Variants in RGS22 observed in about 807,000 individuals in gnomAD.
RGS22 encodes the protein regulator of G-protein signaling 22.
Under a neutral mutation model 172.9 loss-of-function variants are expected in RGS22, and 148 were observed. That is an observed-to-expected ratio of 0.86 (90% CI 0.75 to 0.98). The LOEUF (loss-of-function observed/expected upper bound fraction) is 0.98. Ranked by LOEUF, RGS22 falls within the 50% of genes least tolerant of loss-of-function variation. The pLI, the probability that RGS22 is intolerant of heterozygous loss-of-function variation, is 0.00. For missense variants in RGS22, 1,347 were observed against 1,440.8 expected (o/e 0.93, Z 1.05); for synonymous variants, 458 against 480.2 (o/e 0.95, Z 0.60).
chr8:100,046,432 A>G (rs752292789), intron 11 of RGS22: 6 of 151,690 alleles, frequency 4.0e-5, no homozygotes, highest in Non-Finnish European at 8.8e-5. Flanking sequence ...AAATGATGAT[A>G]ATGCTTTCTT....
intron 18 of RGS22, among the ~76,000 whole-genome samples, chr8:100,001,144 C>T (rs1003938415): frequency 6.8e-6 from 1 of 146,930 alleles, no homozygotes; most frequent in African/African-American, 2.5e-5. Context: ...ATAAAAATTG[C>T]ATCATATTTC....
chr8:100,012,025 G>C (rs1816438508), intron 14 of RGS22, among the ~76,000 whole-genome samples: 2 of 152,026 alleles, frequency 1.3e-5, no homozygotes, highest in Admixed American at 1.3e-4. Context: ...CCAAGTCAGA[G>C]TAATGCTACA....
chr8:100,032,584 C>T (rs1818948772), intron 14 of RGS22, among the ~76,000 whole-genome samples: 1 of 152,112 alleles, frequency 6.6e-6, no homozygotes, highest in Non-Finnish European at 1.5e-5. Flanking sequence ...TTTAACACCC[C>T]ACTGTCAATA....
Position 100,040,766 on chromosome 8 carries a change from T to C in RGS22, c.1939-679A>G, listed in dbSNP as rs1305919417. The stretch of plus-strand genomic sequence containing the variant: ...CAGTTTAACTCTTTGCTATATGTTT[T>C]ATAGAACTCATAGACTACTTCTTTA... On this transcript the variant is annotated intron_variant, in intron 12 of 27. Coordinates refer to ENST00000360863, the MANE Select transcript of RGS22 (RefSeq NM_015668.5). Among the ~76,000 whole-genome samples, 3 of 152,192 alleles carry C rather than the reference T, an allele frequency of 2.0e-5. No individual in the cohort carries two copies. In the East Asian group the frequency reaches 5.8e-4, roughly 29 times the overall value.
intron 22 of RGS22, among the ~76,000 whole-genome samples, chr8:99,980,670 C>G (rs908409314): frequency 2.0e-5 from 3 of 152,118 alleles, no homozygotes; most frequent in Non-Finnish European, 4.4e-5. Flanking sequence ...CTAGGACTCC[C>G]TTTTAGAAAA....
At chr8:100,105,600 A>T (rs1184763445) in intron 1 of RGS22, 198 bp from the exon 2 acceptor site, 2 of 609,666 alleles carry the variant, frequency 3.3e-6, no homozygotes, top group Non-Finnish European at 5.8e-6. Flanking sequence ...AGGCCTCTGG[A>T]ATCCTGCCTG....
chr8:100,075,430 C>G (rs1025814369), intron 4 of RGS22, among the ~76,000 whole-genome samples: 2 of 152,170 alleles, frequency 1.3e-5, no homozygotes, highest in East Asian at 3.8e-4. Flanking sequence ...TCCTGAGGCC[C>G]TCACCAGAAG....
At chr8:100,062,266 T>C (rs545079137) in intron 9 of RGS22, among the ~76,000 whole-genome samples, 1 of 152,154 alleles carries the variant, frequency 6.6e-6, no homozygotes, top group South Asian at 2.1e-4. Context: ...AGTTTACCTA[T>C]GTAACAAACC....
chr8:100,070,503 G>A lies in RGS22; in HGVS notation c.594+866C>T, dbSNP rs1011543943. Among the ~76,000 whole-genome samples, 29 of 152,138 alleles carry A rather than the reference G, an allele frequency of 1.9e-4. 1 individual carries two copies. Among genetic ancestry groups the A allele is most frequent in the African/African-American group, 6.3e-4 (26 of 41,504 alleles). ...AGAACTCTACTTTCAGTTTTTTCTC[G>A]GACAGTTAATTTCAGCTTCATAGAG... On this transcript the variant is annotated intron_variant, in intron 6 of 27. Coordinates refer to ENST00000360863, the MANE Select transcript of RGS22 (RefSeq NM_015668.5).
chr8:99,969,761 T>TAA (rs746733904), intron 23 of RGS22, among the ~76,000 whole-genome samples: 8 of 152,182 alleles, frequency 5.3e-5, no homozygotes, highest in Non-Finnish European at 4.4e-5. Flanking sequence ...CAAAGAGACT[T>TAA]AGACTCCCAT....
intron 4 of RGS22, among the ~76,000 whole-genome samples, chr8:100,078,202 C>A (rs192525621): frequency 6.6e-6 from 1 of 151,918 alleles, no homozygotes; most frequent in East Asian, 1.9e-4. Flanking sequence ...GGGGTGCTTA[C>A]GCCATTTAAA....
intron 3 of RGS22, among the ~76,000 whole-genome samples, chr8:100,083,818 G>A (rs1217083046): frequency 4.1e-5 from 6 of 147,592 alleles, no homozygotes; most frequent in African/African-American, 1.3e-4. Context: ...AACTGACCGC[G>A]TAATTTCTTT....
At chr8:99,971,822 G>T (rs777755681) in intron 23 of RGS22, among the ~76,000 whole-genome samples, 1 of 151,984 alleles carries the variant, frequency 6.6e-6, no homozygotes, top group Non-Finnish European at 1.5e-5. Flanking sequence ...TGGCCATACT[G>T]CCCAAAGTAA....
In RGS22 at chr8:99,984,562, G is replaced by C. The variant is rs139497793; in HGVS notation, c.3181-2446C>G. ...TTTCTGTGACTCTCAGTCCAGGAGA[G>C]ATGTCCATCTCAGGTACTCCCATAG... On this transcript the variant is annotated intron_variant, in intron 21 of 27. Transcript: ENST00000360863. Among the ~76,000 whole-genome samples, 1,117 of 152,172 alleles carry C rather than the reference G, an allele frequency of 7.3e-3. 19 individuals are homozygous for C. Among genetic ancestry groups the C allele is most frequent in the African/African-American group, 0.026 (1,083 of 41,500 alleles).
At chr8:99,969,413 C>G (rs1241609155) in intron 23 of RGS22, among the ~76,000 whole-genome samples, 3 of 152,150 alleles carry the variant, frequency 2.0e-5, no homozygotes, top group African/African-American at 7.2e-5. Flanking sequence ...TGTAAATAGG[C>G]TAAATGCCCC....
In RGS22 at chr8:100,063,834, A is replaced by G. The variant is rs368345586; in HGVS notation, c.934T>C (p.Cys312Arg). ...DESLTMHFST[C>R]EEFLSSYIYF... Reference sequence around the variant, plus strand: ...ATATAGGAGCTTAAAAATTCTTCACATGTTGAGAAATGCATTGTCAGGCTT... The same window carrying G: ...ATATAGGAGCTTAAAAATTCTTCACGTGTTGAGAAATGCATTGTCAGGCTT... Residue 312 changes from cysteine (C) to arginine (R), a missense_variant, in exon 8 of 28, where the codon TGT (cysteine) becomes CGT (arginine). Transcript: ENST00000360863. The G allele has an allele frequency of 3.7e-6, 6 of 1,610,042 alleles. No individual in the cohort carries two copies. In the African/African-American group the frequency reaches 8.0e-5, roughly 22 times the overall value.
In RGS22 at chr8:100,002,295, C is replaced by T; in HGVS notation, c.2697G>A (p.Arg899=). The T allele has an allele frequency of 6.2e-7, 1 of 1,612,026 alleles. No individual in the cohort carries two copies. The highest frequency in any genetic ancestry group is 8.5e-7 in the Non-Finnish European group (1 of 1,179,296). ...RRITYRDRNQ[R]KAKSIYIKNK... ...TTTTAATGTATATAGATTTTGCCTT[C>T]CTTTGATTTCGATCTCTGTAAGTTA... Residue 899 remains arginine (R), a synonymous_variant, in exon 18 of 28, where the codon AGG becomes AGA. Transcript: ENST00000360863.
At position 100,047,585 on chromosome 8, in the gene RGS22, G is replaced by C; in HGVS notation, c.1701C>G (p.Phe567Leu). The change falls in exon 11 of 28, where the codon TTC (phenylalanine) becomes TTG (leucine). Residue 567 changes from phenylalanine to leucine, a missense_variant. Physicochemically the swap from Phe to Leu is conservative, Grantham distance 22 (BLOSUM62 0). Coordinates refer to ENST00000360863, the MANE Select transcript of RGS22 (RefSeq NM_015668.5). ...GAGATTTAGGAGGTTGTGATAAGCTGAATTCTTCTTTCTAAAAGATGGTAA... is the reference window on the plus strand; with the variant it reads ...GAGATTTAGGAGGTTGTGATAAGCTCAATTCTTCTTTCTAAAAGATGGTAA... Reference protein sequence around the residue: ...PQIPEIQKEEFSLSQPPKSPN... With the variant: ...PQIPEIQKEELSLSQPPKSPN... 6.2e-7 allele frequency: 1 copy of C among 1,607,524 alleles called. No individual in the cohort carries two copies. The highest frequency in any genetic ancestry group is 8.5e-7 in the Non-Finnish European group (1 of 1,177,980).
chr8:99,988,041 GTAGT>G (rs945545151), intron 20 of RGS22, among the ~76,000 whole-genome samples: 61 of 151,024 alleles, frequency 4.0e-4, no homozygotes, highest in African/African-American at 1.4e-3. Context: ...AAAAGTAAAA[GTAGT>G]TAAACATTTA....
Sources: gnomAD v4.1 joint callset for allele counts (sites outside exome capture counted in the v4.1 genomes callset) on GRCh38, gnomAD v4.1.1 for gene constraint, MANE v1.5 for transcripts, NCBI Gene and HGNC (gene_info 2026-07-23, HGNC 2026-07-21) for gene names.